TMEM45A: variants seen among roughly 807,000 people sequenced by gnomAD.
TMEM45A encodes the protein DNA polymerase-transactivated protein 4.
A neutral mutation model predicts 32.0 loss-of-function variants in TMEM45A; 25 were observed. The observed-to-expected ratio is 0.78, with a 90% CI of 0.57 to 1.09. TMEM45A has a LOEUF of 1.09. Ranked by LOEUF, TMEM45A falls within the 50% of genes least tolerant of loss-of-function variation. The pLI is 0.00. For synonymous variants in TMEM45A, 122 were observed against 114.8 expected (o/e 1.06, Z -0.40); for missense variants, 302 against 325.0 (o/e 0.93, Z 0.54).
intron 4 of TMEM45A, among the ~76,000 whole-genome samples, chr3:100,559,161 A>C (rs570719002): frequency 6.6e-6 from 1 of 152,330 alleles, no homozygotes; most frequent in South Asian, 2.1e-4. Flanking sequence ...TTAACTCTTT[A>C]ACCTTGATGA....
chr3:100,574,054 A>C (rs2148998871), intron 5 of TMEM45A: 1 of 152,268 alleles, frequency 6.6e-6, no homozygotes, highest in African/African-American at 2.4e-5. Context: ...ATTGGTCTAA[A>C]ATTTTCTTTT....
At chr3:100,552,331 T>G (rs1706123838) in intron 1 of TMEM45A, among the ~76,000 whole-genome samples, 1 of 152,114 alleles carries the variant, frequency 6.6e-6, no homozygotes, top group South Asian at 2.1e-4. Context: ...GGACAGACCT[T>G]CAATAACTAA....
chr3:100,509,986 T>A (rs1389190465), intron 1 of TMEM45A, among the ~76,000 whole-genome samples: 1 of 152,194 alleles, frequency 6.6e-6, no homozygotes, highest in East Asian at 1.9e-4. Context: ...GGAGTCTTGC[T>A]GATTGCTAGC....
intron 1 of TMEM45A, among the ~76,000 whole-genome samples, chr3:100,494,834 G>A (rs749477996): frequency 1.3e-5 from 2 of 152,128 alleles, no homozygotes; most frequent in Non-Finnish European, 2.9e-5. Context: ...GCCCCCCTGT[G>A]CCTCAGCTTC....
chr3:100,567,538 A>AAAAAAAAAAAAAAC (rs1706468693), intron 4 of TMEM45A, among the ~76,000 whole-genome samples: 1 of 151,192 alleles, frequency 6.6e-6, no homozygotes, highest in Non-Finnish European at 1.5e-5. Flanking sequence ...AAAAAAAAAA[A>AAAAAAAAAAAAAAC]AAAGAACATT....
At chr3:100,519,592 G>T (rs545581155) in intron 1 of TMEM45A, 1 of 1,551,012 alleles carries the variant, frequency 6.4e-7, no homozygotes, top group East Asian at 2.4e-5. Flanking sequence ...GGGAAAATGG[G>T]ATTTAAACAC....
chr3:100,504,023 G>A (rs891823030), intron 1 of TMEM45A, among the ~76,000 whole-genome samples: 3 of 152,174 alleles, frequency 2.0e-5, no homozygotes, highest in African/African-American at 7.2e-5. Flanking sequence ...CAGAGGCAGA[G>A]GTGTCACTGG....
chr3:100,537,617 GGA>G (rs1378855188), intron 1 of TMEM45A, among the ~76,000 whole-genome samples: 1 of 152,210 alleles, frequency 6.6e-6, no homozygotes, highest in Non-Finnish European at 1.5e-5. Flanking sequence ...AAGACAGAAA[GGA>G]GAGAGAAGAG....
intron 1 of TMEM45A, among the ~76,000 whole-genome samples, chr3:100,539,440 T>TGC (rs1705808732): frequency 2.3e-5 from 2 of 87,266 alleles, no homozygotes; most frequent in Non-Finnish European, 4.8e-5. Context: ...AGGATATGTA[T>TGC]ATGTATATGT....
chr3:100,573,366 G>T (rs537301871), intron 5 of TMEM45A: 3 of 152,086 alleles, frequency 2.0e-5, no homozygotes, highest in Admixed American at 2.0e-4. Flanking sequence ...TGAAGCAATT[G>T]TGAATGGGAG....
In TMEM45A at chr3:100,527,325, A is replaced by G. The variant is rs77697643; in HGVS notation, c.-3-27884A>G. ...AAACAAAACTCCAACAAGAGTTCAAATGTCTTGTATACTATATTTTAAAAA... is the reference window on the plus strand; with the variant it reads ...AAACAAAACTCCAACAAGAGTTCAAGTGTCTTGTATACTATATTTTAAAAA... On this transcript the variant is annotated intron_variant, in intron 1 of 5. Coordinates refer to ENST00000323523, the MANE Select transcript of TMEM45A (RefSeq NM_018004.3). Among the ~76,000 whole-genome samples, 1,238 of 152,340 alleles carry G rather than the reference A, an allele frequency of 8.1e-3. 19 individuals are homozygous for G. Among genetic ancestry groups the G allele is most frequent in the African/African-American group, 0.029 (1,193 of 41,576 alleles).
At chr3:100,522,182 G>A (rs1576268244) in intron 1 of TMEM45A, among the ~76,000 whole-genome samples, 2 of 152,170 alleles carry the variant, frequency 1.3e-5, no homozygotes, top group African/African-American at 2.4e-5. Flanking sequence ...ACTCTAAGGA[G>A]TAATTCTTCC....
chr3:100,528,975 T>A (rs1230921267), intron 1 of TMEM45A, among the ~76,000 whole-genome samples: 1 of 152,168 alleles, frequency 6.6e-6, no homozygotes, highest in Non-Finnish European at 1.5e-5. Context: ...TTCTGTTTTA[T>A]AGGAGATTGG....
intron 1 of TMEM45A, among the ~76,000 whole-genome samples, chr3:100,554,958 A>G (rs1375379056): frequency 6.6e-6 from 1 of 152,244 alleles, no homozygotes; most frequent in Non-Finnish European, 1.5e-5. Context: ...GACTGAACAT[A>G]AAACACTTGA....
intron 1 of TMEM45A, among the ~76,000 whole-genome samples, chr3:100,513,524 G>C (rs931350220): frequency 1.3e-4 from 19 of 150,800 alleles, no homozygotes; most frequent in Admixed American, 2.6e-4. Flanking sequence ...ATATCATACT[G>C]AATGGGCAAA....
At chr3:100,531,321 G>T (rs963989762) in intron 1 of TMEM45A, among the ~76,000 whole-genome samples, 3 of 151,906 alleles carry the variant, frequency 2.0e-5, no homozygotes, top group African/African-American at 7.3e-5. Context: ...TGTGTACATG[G>T]TCTGCAAGCT....
chr3:100,553,113 A>G (rs763842196), intron 1 of TMEM45A, among the ~76,000 whole-genome samples: 1 of 152,150 alleles, frequency 6.6e-6, no homozygotes, highest in Non-Finnish European at 1.5e-5. Context: ...ACTGTGGGTT[A>G]TTTGCTTTGG....
intron 3 of TMEM45A, 35 bp downstream of exon 3, chr3:100,557,007 C>G (rs1189740887): frequency 1.9e-6 from 3 of 1,601,034 alleles, no homozygotes; most frequent in Non-Finnish European, 2.6e-6. Flanking sequence ...GTACCTTTCT[C>G]TATTAGTGAG....
chr3:100,505,629 TGAGTGCAAA>T (rs1364340902), intron 1 of TMEM45A, among the ~76,000 whole-genome samples: 1 of 152,226 alleles, frequency 6.6e-6, no homozygotes, highest in Non-Finnish European at 1.5e-5. Flanking sequence ...ATACTGGTAT[TGAGTGCAAA>T]GAGTTTTAAA....
Sources: allele counts gnomAD v4.1 joint callset (sites outside exome capture counted in the v4.1 genomes callset), GRCh38; gene constraint gnomAD v4.1.1; transcripts MANE v1.5; gene names NCBI Gene and HGNC (gene_info 2026-07-23, HGNC 2026-07-21).